Variants in TPH2 observed in about 807,000 individuals in gnomAD.
TPH2 encodes the protein tryptophan hydroxylase 2, also known as tryptophan 5-hydroxylase 2.
Under a neutral mutation model 59.1 loss-of-function variants are expected in TPH2, and 27 were observed. The observed-to-expected ratio is 0.46, with a 90% confidence interval of 0.34 to 0.63. The LOEUF is 0.63. Ranked by LOEUF, TPH2 falls within the 30% of genes least tolerant of loss-of-function variation. TPH2 has a pLI of 0.01. For synonymous variants in TPH2, 220 were observed against 210.5 expected (o/e 1.05, Z -0.39); for missense variants, 523 against 588.3 (o/e 0.89, Z 1.15).
At chr12:71,986,784 G>A (rs1310548584) in intron 7 of TPH2, among the ~76,000 whole-genome samples, 1 of 152,070 alleles carries the variant, frequency 6.6e-6, no homozygotes, top group Non-Finnish European at 1.5e-5. Flanking sequence ...TATTCCTTCA[G>A]CACTCTGTAG....
chr12:72,003,997 T>C (rs1210725992), intron 8 of TPH2, among the ~76,000 whole-genome samples: 2 of 152,218 alleles, frequency 1.3e-5, no homozygotes, highest in African/African-American at 4.8e-5. Flanking sequence ...GTTCATGTGC[T>C]GAGTTGAGTG....
intron 5 of TPH2, chr12:71,962,311 A>G (rs1871708519): frequency 1.0e-6 from 1 of 985,316 alleles, no homozygotes; most frequent in Non-Finnish European, 1.2e-6. Context: ...ATGTTTTTGA[A>G]GTTCATTCAT....
chr12:72,000,369 G>A (rs1302013237), intron 8 of TPH2, among the ~76,000 whole-genome samples: 2 of 152,140 alleles, frequency 1.3e-5, no homozygotes, highest in Non-Finnish European at 2.9e-5. Flanking sequence ...ATAATAAATA[G>A]GAAGTCAGAC....
chr12:71,971,034 G>A (rs1768516503), intron 5 of TPH2, among the ~76,000 whole-genome samples: 1 of 152,226 alleles, frequency 6.6e-6, no homozygotes, highest in South Asian at 2.1e-4. Context: ...ACTGAAATAT[G>A]TAGAGGGTTG....
chr12:72,030,073 C>T (rs1004655699), intron 9 of TPH2, among the ~76,000 whole-genome samples: 1 of 152,112 alleles, frequency 6.6e-6, no homozygotes, highest in Non-Finnish European at 1.5e-5. Context: ...AATGGAGGCA[C>T]AGGGAGGTTG....
rs891470229 is a variant in TPH2 at position 72,017,568 on chromosome 12, C to T, written c.1069-4831C>T. Among the ~76,000 whole-genome samples, 3 of 152,154 alleles carry T rather than the reference C, an allele frequency of 2.0e-5. No homozygotes were observed. The South Asian group carries it at 6.2e-4, about 32-fold the overall frequency. On this transcript the variant is annotated intron_variant, in intron 8 of 10. Transcript: ENST00000333850. ...ACCCTTCAATTTGGGAGGTGTTAGT[C>T]TTAGTATTATTATTTGTTTCTGTTT...
chr12:71,961,030 C>T (rs559299879), intron 5 of TPH2, among the ~76,000 whole-genome samples: 8 of 152,306 alleles, frequency 5.3e-5, no homozygotes, highest in Non-Finnish European at 1.2e-4. Context: ...ATTTGATCCT[C>T]ACGATGTGAG....
chr12:71,973,498 A>G (rs552143805), intron 6 of TPH2, among the ~76,000 whole-genome samples: 19 of 152,296 alleles, frequency 1.2e-4, no homozygotes, highest in African/African-American at 4.6e-4. Flanking sequence ...ATATAGCCTA[A>G]AAAGGGGAGG....
intron 1 of TPH2, among the ~76,000 whole-genome samples, chr12:71,940,836 C>A (rs1179153557): frequency 6.6e-6 from 1 of 152,178 alleles, no homozygotes; most frequent in Non-Finnish European, 1.5e-5. Context: ...AAGTGTTAAT[C>A]TTTTTCAGTT....
intron 6 of TPH2, among the ~76,000 whole-genome samples, chr12:71,974,527 T>C (rs1329296759): frequency 9.2e-6 from 1 of 108,938 alleles, no homozygotes; most frequent in African/African-American, 2.9e-5. Context: ...CTCCCTCTGA[T>C]AAGGACTCTT....
At chr12:71,980,089 T>C (rs1334001889) in intron 7 of TPH2, among the ~76,000 whole-genome samples, 1 of 152,060 alleles carries the variant, frequency 6.6e-6, no homozygotes, top group African/African-American at 2.4e-5. Context: ...TTGGATTGGG[T>C]CAGGACAGCT....
chr12:71,971,936 A>G lies in TPH2; in HGVS notation c.609-583A>G, dbSNP rs149376579. Among the ~76,000 whole-genome samples, 481 of 152,254 alleles carry G rather than the reference A, an allele frequency of 3.2e-3. 4 individuals are homozygous for G. Among genetic ancestry groups the G allele is most frequent in the African/African-American group, 0.011 (449 of 41,554 alleles). On this transcript the variant is annotated intron_variant, in intron 5 of 10. Transcript: ENST00000333850. ...CCTCATCCTAAATTGAGGGGGCTTA[A>G]TGTGTGTATCTTTCAGCATGACCTG...
Position 72,000,022 on chromosome 12 carries a change from C to T in TPH2, c.1068+5457C>T, listed in dbSNP as rs115249757. On this transcript the variant is annotated intron_variant, in intron 8 of 10. Transcript: ENST00000333850. ...GTTGAGAGGTGACTTGCCTTTGAGT[C>T]ATAACTTTAAACCTGTTACAAACAC... 8.1e-3 allele frequency among the ~76,000 whole-genome samples: 1,239 copies of T among 152,052 alleles called. 17 individuals are homozygous for T. The highest frequency in any genetic ancestry group is 0.028 in the African/African-American group (1,175 of 41,510).
At chr12:71,976,556 A>G (rs1476085728) in intron 6 of TPH2, among the ~76,000 whole-genome samples, 2 of 152,260 alleles carry the variant, frequency 1.3e-5, no homozygotes, top group African/African-American at 2.4e-5. Context: ...GTACTGTTAC[A>G]TATGTCCCAC....
intron 5 of TPH2, among the ~76,000 whole-genome samples, chr12:71,957,802 C>T (rs1401111989): frequency 6.6e-6 from 1 of 152,158 alleles, no homozygotes; most frequent in Non-Finnish European, 1.5e-5. Context: ...GAAAATTGCC[C>T]CCTCAAAGGC....
At chr12:72,031,427 CT>C (rs758837918) in intron 10 of TPH2, 36 bp downstream of exon 10, 4 of 1,613,004 alleles carry the variant, frequency 2.5e-6, no homozygotes, top group Non-Finnish European at 3.4e-6. Context: ...GAGAAAATAA[CT>C]TTTTATTTTT....
intron 8 of TPH2, among the ~76,000 whole-genome samples, chr12:72,001,735 G>A (rs570891308): frequency 1.3e-5 from 2 of 152,116 alleles, no homozygotes; most frequent in Non-Finnish European, 2.9e-5. Flanking sequence ...ATCTCCAAAA[G>A]TGATAAAAAG....
intron 6 of TPH2, among the ~76,000 whole-genome samples, chr12:71,974,810 C>T (rs993005050): frequency 2.0e-5 from 3 of 152,134 alleles, no homozygotes; most frequent in Admixed American, 6.5e-5. Context: ...CATTTTATAA[C>T]CTTGATGCCT....
intron 8 of TPH2, among the ~76,000 whole-genome samples, chr12:72,015,511 G>T (rs1044973459): frequency 6.6e-6 from 1 of 151,888 alleles, no homozygotes; most frequent in African/African-American, 2.4e-5. Flanking sequence ...AGTAGAGACG[G>T]GGTTTCACCG....
Sources: allele counts gnomAD v4.1 joint callset (sites outside exome capture counted in the v4.1 genomes callset), GRCh38; gene constraint gnomAD v4.1.1; transcripts MANE v1.5; gene names NCBI Gene and HGNC (gene_info 2026-07-23, HGNC 2026-07-21).